ZC3H14: variants seen among roughly 807,000 people sequenced by gnomAD.
The protein encoded by ZC3H14 is zinc finger CCCH domain-containing protein 14.
ZC3H14 carries 31 observed loss-of-function variants against 92.4 expected under a neutral mutation model. The observed-to-expected ratio is 0.34, with a 90% CI of 0.25 to 0.45. The LOEUF (loss-of-function observed/expected upper bound fraction) is 0.45. Among genes scored for constraint, ZC3H14 ranks in the 20% least tolerant of loss-of-function variants. The pLI is 1.00. For missense variants in ZC3H14, 781 were observed against 897.3 expected, an observed-to-expected ratio of 0.87 and a Z score of 1.66; for synonymous variants, 321 against 300.9, an observed-to-expected ratio of 1.07 and a Z score of -0.69.
chr14:88,621,834 G>A lies in ZC3H14; in HGVS notation c.*10083G>A, dbSNP rs544734179. The A allele has an allele frequency of 2.4e-4, 110 of 455,440 alleles. 2 individuals are homozygous for A. Among genetic ancestry groups the A allele is most frequent in the South Asian group, 1.7e-3 (107 of 64,268 alleles). 28.2% of individuals were successfully genotyped at this position (455,440 alleles called of 1,614,324 possible). A position where few individuals can be genotyped will look rare whatever the true frequency, so the allele number is the denominator to read the frequency against. On this transcript the variant is annotated 3_prime_UTR_variant, in exon 17 of 17. Transcript: ENST00000251038. ...ATATCTATAGGGCATAGGGTAATACGCATAACCATCACCTCAGACATTTAT... is the reference window on the plus strand; with the variant it reads ...ATATCTATAGGGCATAGGGTAATACACATAACCATCACCTCAGACATTTAT...
rs373248140 is a variant in ZC3H14 at position 88,563,116 on chromosome 14, C to T, written c.-18C>T. The T allele has an allele frequency of 1.8e-5, 29 of 1,585,424 alleles. No homozygotes were observed. In the African/African-American group the frequency reaches 3.5e-4, roughly 19 times the overall value. On this transcript the variant is annotated 5_prime_UTR_variant, in exon 1 of 17. Transcript: ENST00000251038. Reference sequence around the variant, plus strand: ...GCCAAGCGCCGCGCAGTGCTGAGTTCCCGCACGCCGCAGAGCCATGGAGAT... The same window carrying T: ...GCCAAGCGCCGCGCAGTGCTGAGTTTCCGCACGCCGCAGAGCCATGGAGAT...
intron 7 of ZC3H14, 63 bp from the exon 8 acceptor site, chr14:88,575,777 T>C (rs1382854768): frequency 1.7e-5 from 23 of 1,378,018 alleles, no homozygotes; most frequent in Non-Finnish European, 2.2e-5. Context: ...GCATAATAGA[T>C]GGCTGGCCTG....
chr14:88,602,329 C>A (rs1237665667), intron 11 of ZC3H14, among the ~76,000 whole-genome samples: 1 of 152,158 alleles, frequency 6.6e-6, no homozygotes, highest in African/African-American at 2.4e-5. Flanking sequence ...ATTAAAGATT[C>A]TTTTCTTTAT....
rs1555395154 is a variant in ZC3H14, at chr14:88,567,124, A to ATTTTTTTT, written c.80-913_80-906dup. On this transcript the variant is annotated intron_variant, in intron 2 of 16. Transcript: ENST00000251038. The stretch of plus-strand genomic sequence containing the variant: ...CTTCTTTTATTTATTTTATTTATTT[A>ATTTTTTTT]TTTTTTTTTGAGACAGAGTCTTGCT... Among the ~76,000 whole-genome samples the ATTTTTTTT allele has an allele frequency of 9.7e-3, 1,407 of 145,280 alleles. 10 individuals are homozygous for ATTTTTTTT. Among genetic ancestry groups the ATTTTTTTT allele is most frequent in the African/African-American group, 0.014 (546 of 39,436 alleles).
chr14:88,576,395 A>G (rs2081161685), intron 8 of ZC3H14, among the ~76,000 whole-genome samples: 1 of 152,254 alleles, frequency 6.6e-6, no homozygotes, highest in South Asian at 2.1e-4. Flanking sequence ...ACTCATTAGT[A>G]GAATATAAGG....
chr14:88,563,689 T>C lies in ZC3H14; in HGVS notation c.75T>C (p.Tyr25=), dbSNP rs767445905. ...IKGKLQELGA[Y]VDEELPDYIM... ...GGAAATTACAAGAATTAGGAGCTTA[T>C]GTTGGTAAGTGTTTTTTTGGTTGTT... is the stretch of plus-strand genomic sequence containing the variant. Residue 25 remains tyrosine, a synonymous_variant, in exon 2 of 17, where the codon TAT becomes TAC. Coordinates refer to ENST00000251038, the MANE Select transcript of ZC3H14 (RefSeq NM_024824.5). 1.2e-6 allele frequency: 2 copies of C among 1,614,066 alleles called. No individual in the cohort carries two copies. Among genetic ancestry groups the C allele is most frequent in the Admixed American group, 3.3e-5 (2 of 60,026 alleles).
At chr14:88,594,730 AG>A in intron 9 of ZC3H14, 1 of 1,613,888 alleles carries the variant, frequency 6.2e-7, no homozygotes, top group African/African-American at 1.3e-5. Flanking sequence ...CACCTTTATG[AG>A]AATGTCTTCA....
chr14:88,597,421 A>G (rs968778013), intron 10 of ZC3H14, among the ~76,000 whole-genome samples: 7 of 152,196 alleles, frequency 4.6e-5, no homozygotes, highest in Admixed American at 2.0e-4. Flanking sequence ...ACAGGCAACC[A>G]TGAGAGACCC....
chr14:88,603,749 T>C (rs1341963829), intron 12 of ZC3H14, among the ~76,000 whole-genome samples: 1 of 152,208 alleles, frequency 6.6e-6, no homozygotes, highest in African/African-American at 2.4e-5. Flanking sequence ...GGATAATTAC[T>C]CAATCTTAAA....
chr14:88,583,915 A>G (rs2082196580), intron 9 of ZC3H14, among the ~76,000 whole-genome samples: 1 of 152,208 alleles, frequency 6.6e-6, no homozygotes, highest in South Asian at 2.1e-4. Context: ...ATTGCCCAAC[A>G]TGATGACAGA....
chr14:88,595,061 CAAG>C (rs759787188), intron 9 of ZC3H14: 5 of 1,613,260 alleles, frequency 3.1e-6, no homozygotes, highest in Non-Finnish European at 4.2e-6. Flanking sequence ...GAATCACAGT[CAAG>C]AACTACTGAT....
rs2087665941 is a variant in ZC3H14, at chr14:88,616,632, G to A, written c.*4881G>A. 1.6e-6 allele frequency: 2 copies of A among 1,275,960 alleles called. No individual in the cohort carries two copies. Among genetic ancestry groups the A allele is most frequent in the Non-Finnish European group, 2.1e-6 (2 of 948,036 alleles). The allele number at this position is 1,275,960 out of a possible 1,614,324, so 79.0% of individuals were successfully genotyped here. A position where few individuals can be genotyped will look rare whatever the true frequency, so the allele number is the denominator to read the frequency against. On this transcript the variant is annotated 3_prime_UTR_variant, in exon 17 of 17. Transcript: ENST00000251038. ...AGTTTGGGGAAAAATTTAGAAATTA[G>A]GACAAAACATTTTAAATATATGGGG...
rs184979901 is a variant in ZC3H14 at position 88,587,482 on chromosome 14, T to C, written c.1280-9252T>C. 2.2e-4 allele frequency among the ~76,000 whole-genome samples: 33 copies of C among 152,240 alleles called. 1 individual carries two copies. The East Asian group carries it at 6.0e-3, about 28-fold the overall frequency. On this transcript the variant is annotated intron_variant, in intron 9 of 16. Coordinates refer to ENST00000251038, the MANE Select transcript of ZC3H14 (RefSeq NM_024824.5). ...TGCCAGGCCTCTCTTTCAAGTCTTA[T>C]ATTTTCTTTCTTGCCGCCACCTACA...
intron 13 of ZC3H14, chr14:88,608,293 C>T (rs2085940996): frequency 1.0e-5 from 5 of 496,716 alleles, no homozygotes; most frequent in East Asian, 5.7e-5. Flanking sequence ...TACCATCCCC[C>T]ATCTCACCCT....
At chr14:88,572,556 A>G in intron 5 of ZC3H14, 22 bp from the exon 6 acceptor site, 2 of 1,613,822 alleles carry the variant, frequency 1.2e-6, no homozygotes, top group Non-Finnish European at 1.7e-6. Flanking sequence ...GCTGTAATAC[A>G]TTTTGTTGTT....
At chr14:88,589,679 A>G (rs2082872537) in intron 9 of ZC3H14, 1 of 152,236 alleles carries the variant, frequency 6.6e-6, no homozygotes. Context: ...TTTCTGAGAC[A>G]GAATCCTGTT....
At chr14:88,604,027 A>C (rs1248588884) in intron 12 of ZC3H14, among the ~76,000 whole-genome samples, 2 of 152,174 alleles carry the variant, frequency 1.3e-5, no homozygotes, top group African/African-American at 4.8e-5. Context: ...ACAGGAAGAA[A>C]AACTTAAAAA....
intron 14 of ZC3H14, 126 bp from the exon 15 acceptor site, chr14:88,609,586 G>A (rs2086196296): frequency 1.5e-6 from 2 of 1,359,938 alleles, no homozygotes; most frequent in Admixed American, 1.8e-5. Flanking sequence ...TTTGACTAGT[G>A]AATATATAAA....
intron 7 of ZC3H14, 114 bp from the exon 8 acceptor site, chr14:88,575,726 G>T: frequency 1.2e-6 from 1 of 812,458 alleles, no homozygotes; most frequent in Non-Finnish European, 2.0e-6. Context: ...TCTAAAAACT[G>T]CAGCTAGTCT....
Sources: gnomAD v4.1 joint callset for allele counts (sites outside exome capture counted in the v4.1 genomes callset) on GRCh38, gnomAD v4.1.1 for gene constraint, MANE v1.5 for transcripts, NCBI Gene and HGNC (gene_info 2026-07-23, HGNC 2026-07-21) for gene names.